PLCB1: variants seen among roughly 807,000 people sequenced by gnomAD.
The protein encoded by PLCB1 is 1-phosphatidylinositol 4,5-bisphosphate phosphodiesterase beta-1.
PLCB1 carries 46 observed loss-of-function variants against 161.8 expected under a neutral mutation model. The ratio of observed to expected loss-of-function variants is 0.28; its 90% CI spans 0.22 to 0.36. The LOEUF is 0.36. Among genes scored for constraint, PLCB1 ranks in the 10% least tolerant of loss-of-function variants. The pLI, the probability that PLCB1 is intolerant of heterozygous loss-of-function variation, is 1.00. For synonymous variants in PLCB1, 517 were observed against 503.7 expected, an observed-to-expected ratio of 1.03 and a Z score of -0.35; for missense variants, 1,016 against 1,472.5, an observed-to-expected ratio of 0.69 and a Z score of 5.07.
At chr20:8,425,132 T>TG (rs897302608) in intron 3 of PLCB1, among the ~76,000 whole-genome samples, 5 of 147,060 alleles carry the variant, frequency 3.4e-5, no homozygotes, top group African/African-American at 1.3e-4. Flanking sequence ...TCTGAGGTGT[T>TG]TTTTTTTTTT....
chr20:8,637,211 A>T (rs1988789749), intron 4 of PLCB1, among the ~76,000 whole-genome samples: 1 of 152,212 alleles, frequency 6.6e-6, no homozygotes, highest in Non-Finnish European at 1.5e-5. Context: ...ATTGGTTGTC[A>T]TCTTTAGTAG....
intron 3 of PLCB1, among the ~76,000 whole-genome samples, chr20:8,409,218 G>A (rs1978927743): frequency 6.6e-6 from 1 of 152,148 alleles, no homozygotes; most frequent in Non-Finnish European, 1.5e-5. Flanking sequence ...GGGCTTTTCT[G>A]TGATGGCATG....
intron 2 of PLCB1, among the ~76,000 whole-genome samples, chr20:8,168,279 C>T (rs2051695289): frequency 6.6e-6 from 1 of 152,182 alleles, no homozygotes; most frequent in Non-Finnish European, 1.5e-5. Flanking sequence ...TTTTGAATTA[C>T]ATACAAAAAA....
At chr20:8,360,564 G>A (rs1568645963) in intron 2 of PLCB1, among the ~76,000 whole-genome samples, 1 of 152,090 alleles carries the variant, frequency 6.6e-6, no homozygotes, top group African/African-American at 2.4e-5. Flanking sequence ...ACGCACTTAG[G>A]CAAAACCTTT....
At chr20:8,545,126 T>A (rs1256579355) in intron 3 of PLCB1, among the ~76,000 whole-genome samples, 2 of 152,106 alleles carry the variant, frequency 1.3e-5, no homozygotes, top group South Asian at 4.1e-4. Context: ...GCAATGGAGT[T>A]AGATAGGGGG....
chr20:8,629,994 CTT>C (rs757222915), intron 4 of PLCB1, among the ~76,000 whole-genome samples: 25 of 72,626 alleles, frequency 3.4e-4, no homozygotes, highest in African/African-American at 1.1e-3. Context: ...TTCTTTCTTT[CTT>C]TCTTTCTTTC....
chr20:8,147,192 C>A (rs533210006), intron 1 of PLCB1, among the ~76,000 whole-genome samples: 1 of 152,146 alleles, frequency 6.6e-6, no homozygotes, highest in Admixed American at 6.5e-5. Flanking sequence ...TTTCAGACTC[C>A]GTCCCAGAGC....
chr20:8,875,458 ATTAAT>A (rs1348133493), intron 31 of PLCB1, among the ~76,000 whole-genome samples: 6 of 144,240 alleles, frequency 4.2e-5, no homozygotes, highest in Non-Finnish European at 7.5e-5. Context: ...AATACATTAT[ATTAAT>A]TTATTATGTT....
chr20:8,200,765 TA>T (rs1271013378), intron 2 of PLCB1, among the ~76,000 whole-genome samples: 2 of 152,168 alleles, frequency 1.3e-5, no homozygotes, highest in African/African-American at 4.8e-5. Flanking sequence ...GGGCCTCTGA[TA>T]AAATACTGAA....
intron 2 of PLCB1, among the ~76,000 whole-genome samples, chr20:8,171,196 C>A (rs1188380868): frequency 1.3e-5 from 2 of 151,858 alleles, no homozygotes; most frequent in African/African-American, 4.8e-5. Context: ...ATGCTACTTT[C>A]AACAATATCA....
intron 2 of PLCB1, among the ~76,000 whole-genome samples, chr20:8,228,509 T>C (rs1979824214): frequency 6.6e-6 from 1 of 152,054 alleles, no homozygotes; most frequent in Admixed American, 6.6e-5. Flanking sequence ...CTCTGGTTTC[T>C]GTTTTGTTTC....
At chr20:8,427,158 G>A (rs1052398877) in intron 3 of PLCB1, among the ~76,000 whole-genome samples, 6 of 152,088 alleles carry the variant, frequency 3.9e-5, no homozygotes, top group African/African-American at 9.7e-5. Context: ...TGATCTGCCC[G>A]TCTCAGCCTC....
intron 3 of PLCB1, among the ~76,000 whole-genome samples, chr20:8,514,872 C>T (rs1422810905): frequency 1.3e-5 from 2 of 152,076 alleles, no homozygotes; most frequent in Non-Finnish European, 2.9e-5. Flanking sequence ...TCATACAAAT[C>T]ACCTGAGGAT....
At chr20:8,815,130 G>A (rs1274248509) in intron 31 of PLCB1, among the ~76,000 whole-genome samples, 1 of 151,828 alleles carries the variant, frequency 6.6e-6, no homozygotes, top group Non-Finnish European at 1.5e-5. Flanking sequence ...TTCATTGTTT[G>A]TTCCAGTCTT....
intron 3 of PLCB1, among the ~76,000 whole-genome samples, chr20:8,376,681 C>T (rs1987093597): frequency 1.3e-5 from 2 of 152,178 alleles, no homozygotes; most frequent in African/African-American, 2.4e-5. Flanking sequence ...GTAATCCCAG[C>T]ACTTTGGGTG....
chr20:8,144,435 G>A (rs112037573), intron 1 of PLCB1, among the ~76,000 whole-genome samples: 4 of 152,180 alleles, frequency 2.6e-5, no homozygotes, highest in African/African-American at 4.8e-5. Context: ...TCTGTAGGAA[G>A]CCAGTATCTT....
chr20:8,800,935 A>G (rs1568604803), intron 31 of PLCB1, among the ~76,000 whole-genome samples: 1 of 152,266 alleles, frequency 6.6e-6, no homozygotes, highest in East Asian at 1.9e-4. Flanking sequence ...ATTTCTAAGT[A>G]GCCTCCAAAC....
rs528155958 is a variant in PLCB1, at chr20:8,384,167, G to A, written c.246+12717G>A. Among the ~76,000 whole-genome samples the A allele has an allele frequency of 5.3e-5, 8 of 152,088 alleles. No individual in the cohort carries two copies. In the South Asian group the frequency reaches 6.2e-4, roughly 12 times the overall value. ...TCCCTGTCACGTACTCCATTCAATC[G>A]TAGGTTCAGTCTTTCTACATAGTCC... On this transcript the variant is annotated intron_variant, in intron 3 of 31. Transcript: ENST00000338037.
Position 8,528,278 on chromosome 20 carries a change from A to C in PLCB1, c.247-100016A>C, listed in dbSNP as rs191794493. ...CATAACAGCTTTATTCATAACAGCC[A>C]AAAACTGAAAGCAATCTAAATGTCT... On this transcript the variant is annotated intron_variant, in intron 3 of 31. Transcript: ENST00000338037. Among the ~76,000 whole-genome samples, 28 of 152,234 alleles carry C rather than the reference A, an allele frequency of 1.8e-4. No homozygotes were observed. The East Asian group carries it at 5.2e-3, about 28-fold the overall frequency.
Sources: gnomAD v4.1 joint callset for allele counts (sites outside exome capture counted in the v4.1 genomes callset) on GRCh38, gnomAD v4.1.1 for gene constraint, MANE v1.5 for transcripts, NCBI Gene and HGNC (gene_info 2026-07-23, HGNC 2026-07-21) for gene names.